Variants in PDE4D observed in about 807,000 individuals in gnomAD.
PDE4D encodes 3',5'-cyclic-AMP phosphodiesterase 4D.
Under a neutral mutation model 87.4 loss-of-function variants are expected in PDE4D, and 24 were observed. The ratio of observed to expected loss-of-function variants is 0.27; its 90% CI spans 0.20 to 0.39. PDE4D has a LOEUF of 0.39. Ranked by LOEUF, PDE4D falls within the 10% of genes least tolerant of loss-of-function variation. The probability of loss-of-function intolerance (pLI) is 1.00; values close to 1 mark genes in which losing one functional copy is unlikely to be tolerated. For synonymous variants in PDE4D, 384 were observed against 383.2 expected, an observed-to-expected ratio of 1.00 and a Z score of -0.02; for missense variants, 714 against 1,041.0, an observed-to-expected ratio of 0.69 and a Z score of 4.32.
chr5:59,455,303 G>C lies in PDE4D; in HGVS notation c.456-239335C>G, dbSNP rs145417929. Among the ~76,000 whole-genome samples, 5 of 152,312 alleles carry C rather than the reference G, an allele frequency of 3.3e-5. 1 individual carries two copies. Among genetic ancestry groups the C allele is most frequent in the African/African-American group, 1.2e-4 (5 of 41,576 alleles). On this transcript the variant is annotated intron_variant, in intron 1 of 14. Coordinates refer to ENST00000340635, the MANE Select transcript of PDE4D (RefSeq NM_001104631.2). The stretch of plus-strand genomic sequence containing the variant: ...CATGCTGTGTACAGGCTAGGGACTT[G>C]GTGCCCTGTGTCCCAGCCACTTCAG...
chr5:60,141,021 T>C (rs1780488875), intron 2 of PDE4D, among the ~76,000 whole-genome samples: 1 of 152,190 alleles, frequency 6.6e-6, no homozygotes, highest in African/African-American at 2.4e-5. Flanking sequence ...CTACCAAGAA[T>C]GAAGACAATT....
intron 1 of PDE4D, among the ~76,000 whole-genome samples, chr5:59,795,562 T>TAC (rs1766368786): frequency 6.6e-6 from 1 of 152,186 alleles, no homozygotes; most frequent in Non-Finnish European, 1.5e-5. Context: ...ATGTTACTTC[T>TAC]ATATATATAC....
At chr5:60,468,130 C>CTTTTTTTTTTTTTTTTTTTTTTTT (rs370784270) in intron 1 of PDE4D, among the ~76,000 whole-genome samples, 2 of 126,184 alleles carry the variant, frequency 1.6e-5, no homozygotes, top group African/African-American at 3.1e-5. Context: ...AACTTTCTTT[C>CTTTTTTTTTTTTTTTTTTTTTTTT]TTTTTTCTTT....
intron 11 of PDE4D, among the ~76,000 whole-genome samples, chr5:58,987,323 G>C (rs1746696331): frequency 6.6e-6 from 1 of 152,130 alleles, no homozygotes; most frequent in Non-Finnish European, 1.5e-5. Context: ...GGATAAATAA[G>C]TTCCTAAACT....
chr5:60,352,775 T>C (rs1388411213), intron 1 of PDE4D, among the ~76,000 whole-genome samples: 1 of 152,200 alleles, frequency 6.6e-6, no homozygotes, highest in African/African-American at 2.4e-5. Context: ...ATCACCAGTG[T>C]AACTCATTGA....
chr5:60,503,836 A>G (rs965708865), intron 1 of PDE4D, among the ~76,000 whole-genome samples: 11 of 152,194 alleles, frequency 7.2e-5, no homozygotes, highest in Admixed American at 5.2e-4. Flanking sequence ...GTTAAACACC[A>G]TCTGCAAACA....
chr5:59,260,640 C>T (rs1026799623), intron 1 of PDE4D, among the ~76,000 whole-genome samples: 1 of 151,584 alleles, frequency 6.6e-6, no homozygotes, highest in African/African-American at 2.4e-5. Flanking sequence ...GAAAGATAAA[C>T]TTCTGTACTT....
At position 60,429,834 on chromosome 5, in the gene PDE4D, GTT is replaced by G. The variant is rs371387651; in HGVS notation, c.-90+58106_-90+58107del. On this transcript the variant is annotated intron_variant, in intron 1 of 16. Coordinates refer to the PDE4D transcript ENST00000502484. The stretch of plus-strand genomic sequence containing the variant: ...AAGCCTGCTCAATGGTGGTGGATTA[GTT>G]TTTTTTTTTTTGTTTTTTTTTTTAA... 33 of 292,326 alleles carry G rather than the reference GTT, an allele frequency of 1.1e-4. 1 individual carries two copies. Among genetic ancestry groups the G allele is most frequent in the African/African-American group, 2.9e-4 (12 of 41,098 alleles). 18.1% of individuals were successfully genotyped at this position (292,326 alleles called of 1,614,324 possible).
chr5:59,800,002 T>C (rs1413113420), intron 1 of PDE4D, among the ~76,000 whole-genome samples: 1 of 152,090 alleles, frequency 6.6e-6, no homozygotes, highest in East Asian at 1.9e-4. Context: ...CTTTTAACAC[T>C]CCCTCACTGT....
intron 1 of PDE4D, among the ~76,000 whole-genome samples, chr5:60,335,281 TGA>T (rs1757653661): frequency 6.6e-6 from 1 of 152,066 alleles, no homozygotes; most frequent in South Asian, 2.1e-4. Context: ...AGAAGAGGAA[TGA>T]GAGAGTAGAA....
chr5:59,898,701 G>C, upstream of PDE4D, among the ~76,000 whole-genome samples: 1 of 152,132 alleles, frequency 6.6e-6, no homozygotes, highest in Non-Finnish European at 1.5e-5. Context: ...TCAGAAAATG[G>C]CAAATAAGTC....
At chr5:59,484,322 C>A (rs1238664933) in intron 1 of PDE4D, among the ~76,000 whole-genome samples, 2 of 152,190 alleles carry the variant, frequency 1.3e-5, no homozygotes, top group Admixed American at 1.3e-4. Flanking sequence ...TGTTTTTATG[C>A]TCAACTTGTA....
intron 1 of PDE4D, among the ~76,000 whole-genome samples, chr5:59,809,290 T>A (rs10940649): frequency 0.22 from 34,106 of 152,044 alleles, 4,881 homozygotes; most frequent in Admixed American, 0.34. Context: ...AAAAATCACA[T>A]CTAAATTAAG....
At chr5:59,798,537 C>T (rs1424014901) in intron 1 of PDE4D, among the ~76,000 whole-genome samples, 1 of 151,860 alleles carries the variant, frequency 6.6e-6, no homozygotes, top group Non-Finnish European at 1.5e-5. Flanking sequence ...ATCTGGAGTT[C>T]CTATAAGCAA....
Position 59,986,030 on chromosome 5 carries a change from C to T in PDE4D, c.272+2458G>A, listed in dbSNP as rs922440782. On this transcript the variant is annotated intron_variant, in intron 3 of 16. Coordinates refer to the PDE4D transcript ENST00000502484. ...CAGAAATGCTGGGACATAGACAATT[C>T]GGAACCCTGAAGTTCCTTGGCACTT... Among the ~76,000 whole-genome samples the T allele has an allele frequency of 5.3e-5, 8 of 152,168 alleles. No homozygotes were observed. In the South Asian group the frequency reaches 8.3e-4, roughly 16 times the overall value.
intron 2 of PDE4D, among the ~76,000 whole-genome samples, chr5:60,026,028 T>C (rs987823737): frequency 1.3e-5 from 2 of 152,204 alleles, no homozygotes; most frequent in Non-Finnish European, 2.9e-5. Flanking sequence ...AAAAAGGTAA[T>C]GTGGTGATGG....
chr5:60,282,208 C>CATATATATATACATATAT (rs1235728150), intron 1 of PDE4D, among the ~76,000 whole-genome samples: 6 of 128,404 alleles, frequency 4.7e-5, no homozygotes, highest in African/African-American at 1.7e-4. Flanking sequence ...GAGAAATAAA[C>CATATATATATACATATAT]ATATATATAT....
chr5:59,774,703 T>TC (rs1763908018), intron 1 of PDE4D, among the ~76,000 whole-genome samples: 1 of 151,354 alleles, frequency 6.6e-6, no homozygotes, highest in Non-Finnish European at 1.5e-5. Context: ...TTTTTTTTTT[T>TC]CTGAGACACA....
intron 6 of PDE4D, among the ~76,000 whole-genome samples, chr5:59,033,208 C>T (rs372399380): frequency 2.5e-4 from 38 of 152,288 alleles, no homozygotes; most frequent in Admixed American, 1.2e-3. Context: ...TCCTAATGGA[C>T]GCAGCAGAAT....
Sources: gnomAD v4.1 joint callset for allele counts (sites outside exome capture counted in the v4.1 genomes callset) on GRCh38, gnomAD v4.1.1 for gene constraint, MANE v1.5 for transcripts, NCBI Gene and HGNC (gene_info 2026-07-23, HGNC 2026-07-21) for gene names.